The following TMEM94 variants were observed in gnomAD, a reference collection of about 807,000 sequenced individuals.
TMEM94 encodes transmembrane protein 94, also known as ER Mg2+ ATPase.
A neutral mutation model predicts 158.6 loss-of-function variants in TMEM94; 81 were observed. The ratio of observed to expected loss-of-function variants is 0.51; its 90% CI spans 0.43 to 0.61. The LOEUF (loss-of-function observed/expected upper bound fraction) is 0.61, where lower values mean the gene tolerates loss of function less well. Among genes scored for constraint, TMEM94 ranks in the 20% least tolerant of loss-of-function variants. The probability of loss-of-function intolerance (pLI) is 0.00; values close to 1 mark genes in which losing one functional copy is unlikely to be tolerated. For synonymous variants in TMEM94, 751 were observed against 730.7 expected, an observed-to-expected ratio of 1.03 and a Z score of -0.45; for missense variants, 1,435 against 1,762.0, an observed-to-expected ratio of 0.81 and a Z score of 3.32.
At position 75,492,443 on chromosome 17, in the gene TMEM94, G is replaced by A; in HGVS notation, c.1597-31G>A. On this transcript the variant is annotated intron_variant, in intron 14 of 31. Coordinates refer to ENST00000314256, the MANE Select transcript of TMEM94 (RefSeq NM_014738.6). This position sits in a 1 kb window ranked among gnomAD's most constrained non-coding sequence, Gnocchi z 4.4. ...TGCTGGCTTCCCCACACCCTATCCC[G>A]GGCTGAGGCTCTCCTCCACATTTCC... 4.5e-6 allele frequency: 7 copies of A among 1,552,434 alleles called. No homozygotes were observed. Among genetic ancestry groups the A allele is most frequent in the East Asian group, 2.3e-5 (1 of 44,268 alleles).
At position 75,498,963 on chromosome 17, in the gene TMEM94, C is replaced by T. The variant is rs1432078208; in HGVS notation, c.3879C>T (p.His1293=). The T allele has an allele frequency of 1.9e-6, 3 of 1,590,684 alleles. No homozygotes were observed. Among genetic ancestry groups the T allele is most frequent in the South Asian group, 2.2e-5 (2 of 89,758 alleles). ...QTAVDLQLWT[H]RDSHVHFGLE... ...CTGTGGACCTGCAGCTGTGGACACA[C>T]AGGGACAGCCACGTCCACTTTGGCC... Residue 1293 remains histidine (H), a synonymous_variant, in exon 31 of 32, where the codon CAC becomes CAT. Coordinates refer to ENST00000314256, the MANE Select transcript of TMEM94 (RefSeq NM_014738.6). The surrounding 1 kb of genome is among the most constrained non-coding windows in gnomAD (Gnocchi z 6.7).
chr17:75,466,307 G>T (rs1330653882), intron 1 of TMEM94, among the ~76,000 whole-genome samples: 1 of 152,124 alleles, frequency 6.6e-6, no homozygotes, highest in East Asian at 1.9e-4. Context: ...TCTCTGTTCT[G>T]TCCCATTGAT....
intron 2 of TMEM94, among the ~76,000 whole-genome samples, chr17:75,484,213 T>G (rs2051396085): frequency 6.6e-6 from 1 of 152,154 alleles, no homozygotes; most frequent in Non-Finnish European, 1.5e-5. Flanking sequence ...CTTCCTAATG[T>G]TTCAGTGTTA....
intron 1 of TMEM94, among the ~76,000 whole-genome samples, chr17:75,458,573 C>T (rs1191206085): frequency 6.6e-6 from 1 of 151,914 alleles, no homozygotes; most frequent in East Asian, 1.9e-4. Context: ...TGCCTGTGTT[C>T]CCAGCTACTT....
chr17:75,496,150 C>G (rs1006824688), intron 23 of TMEM94, 76 bp downstream of exon 23: 5 of 1,510,320 alleles, frequency 3.3e-6, no homozygotes, highest in Non-Finnish European at 4.5e-6. Context: ...CTGCGTGGGG[C>G]TGGGGGTGTG....
intron 6 of TMEM94, 72 bp from the exon 7 acceptor site, chr17:75,488,687 A>G (rs755537478): frequency 6.4e-6 from 10 of 1,563,686 alleles, no homozygotes; most frequent in Non-Finnish European, 7.9e-6. Flanking sequence ...GTCTGTACTT[A>G]GATGAATTGT....
rs909668190 is a variant in TMEM94, at chr17:75,478,003, C to CTTTTTTTTT, written c.24+6096_24+6104dup. 1.0e-3 allele frequency among the ~76,000 whole-genome samples: 58 copies of CTTTTTTTTT among 57,916 alleles called. 9 individuals carry two copies. Among genetic ancestry groups the CTTTTTTTTT allele is most frequent in the African/African-American group, 2.8e-3 (27 of 9,554 alleles). The allele number at this position is 57,916 out of a possible 152,430, so 38.0% of individuals were successfully genotyped here. On this transcript the variant is annotated intron_variant, in intron 2 of 31. Coordinates refer to ENST00000314256, the MANE Select transcript of TMEM94 (RefSeq NM_014738.6). Reference sequence around the variant, plus strand: ...CCTGGGCAACAAAGCGAGACTCCATCTTTTTTTTTTTTTTTTTTTTTTTTT... The same window carrying CTTTTTTTTT: ...CCTGGGCAACAAAGCGAGACTCCATCTTTTTTTTTTTTTTTTTTTTTTTTTTTTTTTTTT...
At position 75,495,655 on chromosome 17, in the gene TMEM94, G is replaced by A. The variant is rs1178174344; in HGVS notation, c.2944+12G>A. 1 of 1,612,330 alleles carries A rather than the reference G, an allele frequency of 6.2e-7. No homozygotes were observed. Among genetic ancestry groups the A allele is most frequent in the African/African-American group, 1.3e-5 (1 of 74,922 alleles). ...CTGCACCCCAGAGAGTGAGTGCTGT[G>A]GCCATGGGTACTTGGGCAACCTGGT... On this transcript the variant is annotated intron_variant, in intron 22 of 31. Coordinates refer to ENST00000314256, the MANE Select transcript of TMEM94 (RefSeq NM_014738.6). The surrounding 1 kb of genome is among the most constrained non-coding windows in gnomAD (Gnocchi z 5.6).
At position 75,467,067 on chromosome 17, in the gene TMEM94, C is replaced by T. The variant is rs970449307; in HGVS notation, c.-106-4733C>T. Among the ~76,000 whole-genome samples the T allele has an allele frequency of 3.9e-4, 59 of 150,722 alleles. 1 individual carries two copies. The highest frequency in any genetic ancestry group is 7.1e-4 in the Non-Finnish European group (48 of 67,734). On this transcript the variant is annotated intron_variant, in intron 1 of 31. Coordinates refer to ENST00000314256, the MANE Select transcript of TMEM94 (RefSeq NM_014738.6). ...TCGGCTCACTGCAACCTCTGCCTCC[C>T]GGGTTCAAGTGATTCTCCTGCCTCA...
Position 75,489,685 on chromosome 17 carries a change from T to C in TMEM94, c.954+23T>C. Reference sequence around the variant, plus strand: ...CAGGCAAGGACCACCCTGTCCTCTCTGTCATGCTTCCCTCCGACCCGCAGG... The same window carrying C: ...CAGGCAAGGACCACCCTGTCCTCTCCGTCATGCTTCCCTCCGACCCGCAGG... On this transcript the variant is annotated intron_variant, in intron 9 of 31. Coordinates refer to ENST00000314256, the MANE Select transcript of TMEM94 (RefSeq NM_014738.6). This position sits in a 1 kb window ranked among gnomAD's most constrained non-coding sequence, Gnocchi z 5.0. 2 of 1,595,592 alleles carry C rather than the reference T, an allele frequency of 1.3e-6. No homozygotes were observed. The highest frequency in any genetic ancestry group is 1.3e-5 in the African/African-American group (1 of 74,648).
Position 75,486,238 on chromosome 17 carries a change from G to A in TMEM94, c.273-52G>A, listed in dbSNP as rs2051593160. The A allele has an allele frequency of 2.5e-6, 4 of 1,608,316 alleles. No homozygotes were observed. In the South Asian group the frequency reaches 3.3e-5, roughly 13 times the overall value. On this transcript the variant is annotated intron_variant, in intron 4 of 31. Coordinates refer to ENST00000314256, the MANE Select transcript of TMEM94 (RefSeq NM_014738.6). ...GGGAGCTGTGGCCTGGGGGCTGCTG[G>A]GTGGGCGAGCCCTCACTCCCTGTGG...
At chr17:75,467,762 GAC>G (rs2050360727) in intron 1 of TMEM94, among the ~76,000 whole-genome samples, 1 of 151,198 alleles carries the variant, frequency 6.6e-6, no homozygotes, top group Non-Finnish European at 1.5e-5. Context: ...TCGATCTCCT[GAC>G]CTCGTGATCC....
Position 75,491,371 on chromosome 17 carries a change from C to T in TMEM94, c.1302C>T (p.Phe434=). 6.2e-7 allele frequency: 1 copy of T among 1,614,142 alleles called. No individual in the cohort carries two copies. The highest frequency in any genetic ancestry group is 8.5e-7 in the Non-Finnish European group (1 of 1,180,038). The part of the protein sequence containing the change: ...WPNPSPETVL[F]FSGKVEPPHS... ...ATCCCAGCCCAGAGACTGTACTGTT[C>T]TTCAGCGGGAAGGTGGAGCCCCCTC... is the stretch of plus-strand genomic sequence containing the variant. Residue 434 remains phenylalanine, a synonymous_variant, in exon 13 of 32, where the codon TTC becomes TTT. Coordinates refer to ENST00000314256, the MANE Select transcript of TMEM94 (RefSeq NM_014738.6). The surrounding 1 kb of genome is among the most constrained non-coding windows in gnomAD (Gnocchi z 5.1).
At position 75,485,938 on chromosome 17, in the gene TMEM94, C is replaced by T; in HGVS notation, c.212C>T (p.Ser71Leu). Residue 71 changes from serine to leucine, a missense_variant, in exon 4 of 32, where the codon TCA (serine) becomes TTA (leucine). Physicochemically the swap from Ser to Leu is moderately radical, Grantham distance 145 (BLOSUM62 -2). Transcript: ENST00000314256. The surrounding 1 kb of genome is among the most constrained non-coding windows in gnomAD (Gnocchi z 5.5). ...TCCTGCTTCCACTGGCCGGGGGCCT[C>T]ACTCATGCTACTGGCCGTGCTGCTG... ...RCSCFHWPGA[S>L]LMLLAVLLLL... The T allele has an allele frequency of 6.2e-7, 1 of 1,613,794 alleles. No homozygotes were observed. Among genetic ancestry groups the T allele is most frequent in the South Asian group, 1.1e-5 (1 of 91,044 alleles).
At chr17:75,497,421 T>G (rs59675275) in intron 26 of TMEM94, among the ~76,000 whole-genome samples, 8,609 of 141,562 alleles carry the variant, frequency 0.061, 796 homozygotes, top group African/African-American at 0.2. Flanking sequence ...TGGTGCAATC[T>G]CTGCTCATTG....
Position 75,492,347 on chromosome 17 carries a change from A to T in TMEM94, c.1597-127A>T, listed in dbSNP as rs1243038446. 6.9e-7 allele frequency: 1 copy of T among 1,443,100 alleles called. No homozygotes were observed. The highest frequency in any genetic ancestry group is 9.1e-7 in the Non-Finnish European group (1 of 1,100,726). The allele number at this position is 1,443,100 out of a possible 1,614,324, so 89.4% of individuals were successfully genotyped here. A position where few individuals can be genotyped will look rare whatever the true frequency, so the allele number is the denominator to read the frequency against. ...GAGCGGGTGGAAGAGGGTGAGCAGC[A>T]GCTCTCTCCTGGGAAGGGTGCCTTT... On this transcript the variant is annotated intron_variant, in intron 14 of 31. Coordinates refer to ENST00000314256, the MANE Select transcript of TMEM94 (RefSeq NM_014738.6). This position sits in a 1 kb window ranked among gnomAD's most constrained non-coding sequence, Gnocchi z 4.4.
chr17:75,465,679 A>ATATATATATATATTTT (rs1247855961), intron 1 of TMEM94, among the ~76,000 whole-genome samples: 12 of 124,818 alleles, frequency 9.6e-5, no homozygotes, highest in South Asian at 2.5e-4. Context: ...ATATATATAT[A>ATATATATATATATTTT]TTTTTTTTTA....
chr17:75,472,143 T>A (rs1045643130), intron 2 of TMEM94, among the ~76,000 whole-genome samples: 26 of 152,204 alleles, frequency 1.7e-4, no homozygotes, highest in African/African-American at 4.8e-4. Context: ...GTGGACCTAT[T>A]AACACAACCG....
Position 75,495,901 on chromosome 17 carries a change from C to CCCAA in TMEM94, c.2945-65_2945-64insCCAA. The CCCAA allele has an allele frequency of 8.3e-7, 1 of 1,201,602 alleles. No individual in the cohort carries two copies. The highest frequency in any genetic ancestry group is 1.2e-6 in the Non-Finnish European group (1 of 818,536). The allele number at this position is 1,201,602 out of a possible 1,614,324, so 74.4% of individuals were successfully genotyped here. A position where few individuals can be genotyped will look rare whatever the true frequency, so the allele number is the denominator to read the frequency against. The stretch of plus-strand genomic sequence containing the variant: ...CCTCCTGCTCTCCTGTCCCATGGGT[C>CCCAA]TCTGCCCAGTGCCCACTTGGTGCTC... On this transcript the variant is annotated intron_variant, in intron 22 of 31. Transcript: ENST00000314256. This position sits in a 1 kb window ranked among gnomAD's most constrained non-coding sequence, Gnocchi z 5.6.
Sources: allele counts gnomAD v4.1 joint callset (sites outside exome capture counted in the v4.1 genomes callset), GRCh38; gene constraint gnomAD v4.1.1; non-coding constraint Gnocchi (gnomAD v3.1); transcripts MANE v1.5; gene names NCBI Gene and HGNC (gene_info 2026-07-23, HGNC 2026-07-21).